Variants in AKAP12 observed in about 807,000 individuals in gnomAD.
The protein encoded by AKAP12 is A-kinase anchor protein 12.
Under a neutral mutation model 79.9 loss-of-function variants are expected in AKAP12, and 32 were observed. The ratio of observed to expected loss-of-function variants is 0.40; its 90% confidence interval spans 0.30 to 0.54. The LOEUF (loss-of-function observed/expected upper bound fraction) is 0.54. AKAP12 is among the 20% of genes least tolerant of loss of function. The probability of loss-of-function intolerance (pLI) is 0.48; values close to 1 mark genes in which losing one functional copy is unlikely to be tolerated. For synonymous variants in AKAP12, 808 were observed against 857.0 expected (o/e 0.94, Z 1.00); for missense variants, 2,074 against 2,177.0 (o/e 0.95, Z 0.94).
chr6:151,250,865 C>G (rs1040955468), intron 2 of AKAP12, among the ~76,000 whole-genome samples: 3 of 152,080 alleles, frequency 2.0e-5, no homozygotes, highest in Non-Finnish European at 4.4e-5. Flanking sequence ...CTCGGCCTCC[C>G]AAAGTGCTGG....
intron 2 of AKAP12, among the ~76,000 whole-genome samples, chr6:151,274,235 G>A (rs370576961): frequency 4.6e-4 from 70 of 151,916 alleles, no homozygotes; most frequent in African/African-American, 1.6e-3. Context: ...ATGCCACTAC[G>A]CCCTGCTGAT....
At chr6:151,272,493 T>TGATAGATAGATAGATAGATA (rs76256853) in intron 2 of AKAP12, among the ~76,000 whole-genome samples, 25 of 144,358 alleles carry the variant, frequency 1.7e-4, no homozygotes, top group South Asian at 2.3e-4. Context: ...TTTCATGAGA[T>TGATAGATAGATAGATAGATA]GATAGATAGA....
chr6:151,255,311 A>G (rs954905225), intron 2 of AKAP12, among the ~76,000 whole-genome samples: 1 of 151,926 alleles, frequency 6.6e-6, no homozygotes, highest in Non-Finnish European at 1.5e-5. Flanking sequence ...GATTACAGGC[A>G]TGCACCACCA....
At chr6:151,337,553 A>T (rs1777850063) in intron 3 of AKAP12, among the ~76,000 whole-genome samples, 1 of 151,370 alleles carries the variant, frequency 6.6e-6, no homozygotes, top group African/African-American at 2.4e-5. Flanking sequence ...AACTGTAAAC[A>T]TACAGAAAGT....
intron 2 of AKAP12, among the ~76,000 whole-genome samples, chr6:151,256,929 G>A (rs974531878): frequency 2.2e-5 from 3 of 134,054 alleles, no homozygotes; most frequent in Middle Eastern, 3.6e-3. Context: ...GATTACAGGC[G>A]TGAGCCACCG....
In AKAP12 at chr6:151,349,138, C is replaced by G. The variant is rs753951618; in HGVS notation, c.747C>G (p.His249Gln). ...AGACCCTGAAGCGTGAGCAAAGCCACGCAGAAATTTCTCCCCCAGCCGAAT... is the reference window on the plus strand; with the variant it reads ...AGACCCTGAAGCGTGAGCAAAGCCAGGCAGAAATTTCTCCCCCAGCCGAAT... ...PEETLKREQSHAEISPPAESG... is the reference protein window; with the variant it reads ...PEETLKREQSQAEISPPAESG... The change falls in exon 4 of 5, where the codon CAC (histidine) becomes CAG (glutamine). Residue 249 changes from histidine (H) to glutamine (Q), a missense_variant. Around this residue, in one of 3 missense-constraint regions of AKAP12, gnomAD observed 1,428 missense variants for 1,451.0 expected, o/e 0.98. Coordinates refer to ENST00000402676, the MANE Select transcript of AKAP12 (RefSeq NM_005100.4). 6.2e-7 allele frequency: 1 copy of G among 1,613,620 alleles called. No individual in the cohort carries two copies. Among genetic ancestry groups the G allele is most frequent in the South Asian group, 1.1e-5 (1 of 91,060 alleles).
At chr6:151,259,764 A>C (rs1797382400) in intron 2 of AKAP12, among the ~76,000 whole-genome samples, 1 of 151,524 alleles carries the variant, frequency 6.6e-6, no homozygotes, top group South Asian at 2.1e-4. Context: ...TTTAGTAGAC[A>C]TGGGGTTTCA....
At chr6:151,307,960 C>T (rs1161734841) in intron 3 of AKAP12, among the ~76,000 whole-genome samples, 1 of 151,952 alleles carries the variant, frequency 6.6e-6, no homozygotes, top group African/African-American at 2.4e-5. Context: ...TGCCTCCCCG[C>T]GCACATCCCC....
At chr6:151,281,112 A>G (rs1340787750) in intron 2 of AKAP12, among the ~76,000 whole-genome samples, 1 of 152,180 alleles carries the variant, frequency 6.6e-6, no homozygotes, top group African/African-American at 2.4e-5. Flanking sequence ...TCTAGGCTTC[A>G]TGCAAAGTAG....
At chr6:151,325,869 G>A in intron 3 of AKAP12, 1 of 1,614,148 alleles carries the variant, frequency 6.2e-7, no homozygotes. Context: ...ATATGCTGGG[G>A]ACCATCACCA....
At chr6:151,338,916 T>C (rs1207391620) in intron 3 of AKAP12, among the ~76,000 whole-genome samples, 2 of 152,226 alleles carry the variant, frequency 1.3e-5, no homozygotes, top group African/African-American at 2.4e-5. Flanking sequence ...AATAAGCATG[T>C]AAATATCCTC....
At chr6:151,291,386 C>T (rs1776617894) in intron 2 of AKAP12, among the ~76,000 whole-genome samples, 1 of 152,120 alleles carries the variant, frequency 6.6e-6, no homozygotes, top group Non-Finnish European at 1.5e-5. Flanking sequence ...GCAGATTGTG[C>T]TCTTTCTGTT....
chr6:151,354,436 C>T (rs548299876), intron 4 of AKAP12, among the ~76,000 whole-genome samples: 193 of 151,870 alleles, frequency 1.3e-3, no homozygotes, highest in African/African-American at 4.5e-3. Context: ...TGCAGTGGCG[C>T]GATCTCGGCT....
chr6:151,302,359 T>C (rs889578625), intron 2 of AKAP12, among the ~76,000 whole-genome samples: 1 of 152,102 alleles, frequency 6.6e-6, no homozygotes, highest in Non-Finnish European at 1.5e-5. Flanking sequence ...AGGGTCTCTC[T>C]ATGTTGTCCA....
In AKAP12 at chr6:151,351,802, C is replaced by T. The variant is rs1451983752; in HGVS notation, c.3411C>T (p.Thr1137=). The T allele has an allele frequency of 1.2e-6, 2 of 1,614,114 alleles. No homozygotes were observed. Among genetic ancestry groups the T allele is most frequent in the Non-Finnish European group, 1.7e-6 (2 of 1,180,026 alleles). The change falls in exon 4 of 5, where the codon ACC becomes ACT. Residue 1137 remains threonine, a synonymous_variant. Coordinates refer to ENST00000402676, the MANE Select transcript of AKAP12 (RefSeq NM_005100.4). The surrounding 1 kb of genome is among the most constrained non-coding windows in gnomAD (Gnocchi z 4.4). ...GCATAGAGTCCAGTGAGCTTGTAAC[C>T]ACTTGTCAAGCCGAAACCTTAGCTG... is the stretch of plus-strand genomic sequence containing the variant. ...TESIESSELV[T]TCQAETLAGV...
chr6:151,241,688 C>T (rs928713903), intron 2 of AKAP12, among the ~76,000 whole-genome samples: 2 of 151,936 alleles, frequency 1.3e-5, no homozygotes, highest in African/African-American at 4.8e-5. Context: ...TTTGTGATAC[C>T]CTTGTATCAC....
At chr6:151,273,844 A>G (rs923043071) in intron 2 of AKAP12, among the ~76,000 whole-genome samples, 2 of 152,002 alleles carry the variant, frequency 1.3e-5, no homozygotes, top group Non-Finnish European at 2.9e-5. Context: ...CCTGACCAAC[A>G]TGGTGAAAAC....
intron 3 of AKAP12, 63 bp from the exon 4 acceptor site, chr6:151,348,648 A>G: frequency 8.1e-7 from 1 of 1,232,108 alleles, no homozygotes; most frequent in Non-Finnish European, 1.1e-6. Flanking sequence ...GAGAAAAACA[A>G]TTTTCTTGTA....
chr6:151,274,136 A>G (rs941712793), intron 2 of AKAP12, among the ~76,000 whole-genome samples: 1 of 150,124 alleles, frequency 6.7e-6, no homozygotes, highest in African/African-American at 2.4e-5. Flanking sequence ...CAGTGGCGCA[A>G]TCTCGGCTCA....
Sources: allele counts gnomAD v4.1 joint callset (sites outside exome capture counted in the v4.1 genomes callset), GRCh38; gene constraint gnomAD v4.1.1; regional missense constraint gnomAD v4.1.1; non-coding constraint Gnocchi (gnomAD v3.1); transcripts MANE v1.5; gene names NCBI Gene and HGNC (gene_info 2026-07-23, HGNC 2026-07-21).